Variants in ADAM18 observed in about 807,000 individuals in gnomAD.
The protein encoded by ADAM18 is ADAM metallopeptidase domain 18.
In ADAM18, 117 loss-of-function variants were observed where a neutral mutation model predicts 94.4. The observed-to-expected ratio is 1.24, with a 90% confidence interval of 1.07 to 1.45. The LOEUF (loss-of-function observed/expected upper bound fraction) is 1.45. Ranked by LOEUF, ADAM18 falls within the 40% of genes most tolerant of loss-of-function variation. The probability of loss-of-function intolerance (pLI) is 0.00; values close to 1 mark genes in which losing one functional copy is unlikely to be tolerated. For synonymous variants in ADAM18, 327 were observed against 291.6 expected, an observed-to-expected ratio of 1.12 and a Z score of -1.24; for missense variants, 936 against 880.0, an observed-to-expected ratio of 1.06 and a Z score of -0.81.
chr8:39,595,363 T>C (rs1332039014), intron 2 of ADAM18, among the ~76,000 whole-genome samples: 1 of 152,242 alleles, frequency 6.6e-6, no homozygotes, highest in Non-Finnish European at 1.5e-5. Context: ...CTGGACCCTG[T>C]TGACACTGTG....
At chr8:39,605,980 T>G (rs1405510600) in intron 2 of ADAM18, among the ~76,000 whole-genome samples, 1 of 152,190 alleles carries the variant, frequency 6.6e-6, no homozygotes, top group Admixed American at 6.6e-5. Flanking sequence ...CTTGAGTTAC[T>G]TCACTTAGAA....
At chr8:39,607,015 TACG>T (rs112991661) in intron 3 of ADAM18, among the ~76,000 whole-genome samples, 1,686 of 152,304 alleles carry the variant, frequency 0.011, 39 homozygotes, top group African/African-American at 0.039. Context: ...TCTGGATGTA[TACG>T]ACAAGTTACA....
In ADAM18 at chr8:39,610,681, C is replaced by T. The variant is rs773923013; in HGVS notation, c.497C>T (p.Pro166Leu). Residue 166 changes from proline to leucine, a missense_variant, in exon 6 of 20, where the codon CCC becomes CTC. Transcript: ENST00000265707. ...AGTCATATTTGGCAGAAAGACCAGCCCTACAAAGTTCCTTTAAACTCACAG... is the reference window on the plus strand; with the variant it reads ...AGTCATATTTGGCAGAAAGACCAGCTCTACAAAGTTCCTTTAAACTCACAG... ...NYSHIWQKDQ[P>L]YKVPLNSQIK... The T allele has an allele frequency of 4.3e-6, 7 of 1,612,882 alleles. No homozygotes were observed. The highest frequency in any genetic ancestry group is 1.1e-5 in the South Asian group (1 of 90,936).
At chr8:39,662,598 T>G (rs1490523993) in intron 12 of ADAM18, among the ~76,000 whole-genome samples, 4 of 152,190 alleles carry the variant, frequency 2.6e-5, no homozygotes, top group East Asian at 3.8e-4. Context: ...ATTTGTTTTT[T>G]AAGATTCTTT....
At position 39,601,236 on chromosome 8, in the gene ADAM18, G is replaced by C. The variant is rs572069049; in HGVS notation, c.133-5071G>C. On this transcript the variant is annotated intron_variant, in intron 2 of 19. Coordinates refer to ENST00000265707, the MANE Select transcript of ADAM18 (RefSeq NM_014237.3). The stretch of plus-strand genomic sequence containing the variant: ...GAGATTACAATTTGATATGAGATTT[G>C]AGTGGGGACACAGACCCAAAACATA... 5.9e-5 allele frequency among the ~76,000 whole-genome samples: 9 copies of C among 152,320 alleles called. No homozygotes were observed. The South Asian group carries it at 1.9e-3, about 32-fold the overall frequency.
intron 1 of ADAM18, 129 bp downstream of exon 1, chr8:39,584,806 G>A (rs1396621134): frequency 5.4e-6 from 6 of 1,116,770 alleles, no homozygotes; most frequent in Non-Finnish European, 7.9e-6. Flanking sequence ...GGTGCTTCTG[G>A]TGTGTCAGGG....
At chr8:39,677,001 G>A (rs899754806) in intron 14 of ADAM18, among the ~76,000 whole-genome samples, 3 of 152,118 alleles carry the variant, frequency 2.0e-5, no homozygotes, top group Non-Finnish European at 4.4e-5. Flanking sequence ...GCAAAGTATA[G>A]CCAGCATGCT....
intron 2 of ADAM18, among the ~76,000 whole-genome samples, chr8:39,596,349 C>T (rs1818741057): frequency 6.6e-6 from 1 of 152,208 alleles, no homozygotes. Flanking sequence ...TCCCCACCAA[C>T]CAAATCCTTG....
At chr8:39,646,259 T>C (rs1373957205) in intron 11 of ADAM18, among the ~76,000 whole-genome samples, 4 of 152,150 alleles carry the variant, frequency 2.6e-5, no homozygotes, top group Non-Finnish European at 5.9e-5. Context: ...ATTGTCTACC[T>C]TGGTGCTATC....
chr8:39,663,739 A>C (rs1306907080), intron 12 of ADAM18, 56 bp from the exon 13 acceptor site: 10 of 1,156,388 alleles, frequency 8.6e-6, no homozygotes, highest in African/African-American at 1.6e-5. Context: ...GAGATTAAGA[A>C]ACAAGAGCTT....
intron 17 of ADAM18, among the ~76,000 whole-genome samples, chr8:39,703,049 G>A (rs574716386): frequency 2.4e-4 from 37 of 152,176 alleles, no homozygotes; most frequent in African/African-American, 4.8e-4. Flanking sequence ...CGGGAATAGC[G>A]TTGAATCTAT....
intron 12 of ADAM18, among the ~76,000 whole-genome samples, chr8:39,661,190 T>C (rs1215655341): frequency 3.4e-5 from 5 of 147,686 alleles, no homozygotes; most frequent in Non-Finnish European, 7.5e-5. Flanking sequence ...TCTCGGTTTG[T>C]CGCCCAGGCT....
chr8:39,616,453 A>G (rs1337212272), intron 6 of ADAM18, among the ~76,000 whole-genome samples: 1 of 152,166 alleles, frequency 6.6e-6, no homozygotes, highest in Non-Finnish European at 1.5e-5. Context: ...TCCCAAAACA[A>G]TTTACAGATT....
Position 39,659,633 on chromosome 8 carries a change from C to G in ADAM18, c.1231-4162C>G, listed in dbSNP as rs113663935. Among the ~76,000 whole-genome samples, 72 of 152,134 alleles carry G rather than the reference C, an allele frequency of 4.7e-4. 1 individual carries two copies. Among genetic ancestry groups the G allele is most frequent in the African/African-American group, 1.7e-3 (70 of 41,536 alleles). On this transcript the variant is annotated intron_variant, in intron 12 of 19. Coordinates refer to ENST00000265707, the MANE Select transcript of ADAM18 (RefSeq NM_014237.3). ...TATAAAACAAAATACATGGACCATG[C>G]ACGTATCCATAGTTCATAAGGCTTT...
chr8:39,646,048 A>G (rs1026201041), intron 11 of ADAM18, among the ~76,000 whole-genome samples: 1 of 152,158 alleles, frequency 6.6e-6, no homozygotes, highest in Non-Finnish European at 1.5e-5. Flanking sequence ...TATTTGTTCC[A>G]CAACAAATGG....
At chr8:39,620,886 G>C (rs1819596237) in intron 6 of ADAM18, among the ~76,000 whole-genome samples, 1 of 151,720 alleles carries the variant, frequency 6.6e-6, no homozygotes, top group Admixed American at 6.6e-5. Flanking sequence ...GAGAGGGGTA[G>C]ATAGTGAGAG....
intron 14 of ADAM18, among the ~76,000 whole-genome samples, chr8:39,670,153 G>A (rs988210580): frequency 2.0e-5 from 3 of 152,096 alleles, no homozygotes; most frequent in Non-Finnish European, 4.4e-5. Context: ...CCCACTTTTT[G>A]ATGGGGTTGT....
At chr8:39,602,447 T>G (rs1233535992) in intron 2 of ADAM18, among the ~76,000 whole-genome samples, 2 of 152,164 alleles carry the variant, frequency 1.3e-5, no homozygotes, top group Admixed American at 1.3e-4. Flanking sequence ...TGTAATAGAC[T>G]GAAAGTCACA....
At chr8:39,707,516 T>G (rs945076870) in intron 18 of ADAM18, among the ~76,000 whole-genome samples, 2 of 152,230 alleles carry the variant, frequency 1.3e-5, no homozygotes, top group Non-Finnish European at 2.9e-5. Flanking sequence ...CACTGCAGTC[T>G]TAACTTTTGT....
Sources: gnomAD v4.1 joint callset for allele counts (sites outside exome capture counted in the v4.1 genomes callset) on GRCh38, gnomAD v4.1.1 for gene constraint, MANE v1.5 for transcripts, NCBI Gene and HGNC (gene_info 2026-07-23, HGNC 2026-07-21) for gene names.